Variants in RPL39L observed in about 807,000 individuals in gnomAD.
The protein encoded by RPL39L is ribosomal protein eL39-like 2.
For synonymous variants in RPL39L, 16 were observed against 20.1 expected (o/e 0.80, Z 0.55); for missense variants, 48 against 58.9 (o/e 0.81, Z 0.61).
chr3:187,124,258 CTAA>C (rs1282576678), intron 2 of RPL39L, among the ~76,000 whole-genome samples: 1 of 152,008 alleles, frequency 6.6e-6, no homozygotes, highest in Non-Finnish European at 1.5e-5. Flanking sequence ...AATATAGATC[CTAA>C]GTACTGGAGA....
intron 1 of RPL39L, among the ~76,000 whole-genome samples, chr3:187,134,253 A>C (rs1313931007): frequency 6.6e-6 from 1 of 152,146 alleles, no homozygotes; most frequent in Non-Finnish European, 1.5e-5. Context: ...ACAGAGATAA[A>C]GTAGTCTAAA....
chr3:187,134,038 T>C (rs1488546017), intron 1 of RPL39L, among the ~76,000 whole-genome samples: 1 of 152,066 alleles, frequency 6.6e-6, no homozygotes, highest in African/African-American at 2.4e-5. Flanking sequence ...GGGAAAGTAA[T>C]CAACAGAACC....
intron 1 of RPL39L, among the ~76,000 whole-genome samples, chr3:187,133,550 C>T (rs1251759755): frequency 6.6e-6 from 1 of 152,036 alleles, no homozygotes; most frequent in African/African-American, 2.4e-5. Context: ...GGGAAGTAAG[C>T]TCTTACTGTG....
rs201902572 is a variant in RPL39L at position 187,126,164 on chromosome 3, CT to C, written c.-29+1834del. Among the ~76,000 whole-genome samples the C allele has an allele frequency of 7.9e-3, 1,108 of 140,442 alleles. 13 individuals carry two copies. The highest frequency in any genetic ancestry group is 0.054 in the East Asian group (265 of 4,926). 92.1% of individuals were successfully genotyped at this position (140,442 alleles called of 152,430 possible). ...CAAAAATATAAACATCTATTGGTTT[CT>C]TTTTTTTTTTTTTGAGATGGAGTTT... On this transcript the variant is annotated intron_variant, in intron 2 of 2. Coordinates refer to ENST00000296277, the MANE Select transcript of RPL39L (RefSeq NM_052969.3).
intron 1 of RPL39L, among the ~76,000 whole-genome samples, chr3:187,138,815 T>C (rs781723045): frequency 2.6e-5 from 4 of 152,090 alleles, no homozygotes; most frequent in African/African-American, 4.8e-5. Context: ...ATCCCAGCAC[T>C]TTGGGAGGCC....
At chr3:187,131,800 A>C (rs1242795162) in intron 1 of RPL39L, among the ~76,000 whole-genome samples, 2 of 152,220 alleles carry the variant, frequency 1.3e-5, no homozygotes, top group Non-Finnish European at 2.9e-5. Flanking sequence ...AACACAATAC[A>C]GGTCTTAGCT....
chr3:187,134,119 A>G (rs1223487297), intron 1 of RPL39L, among the ~76,000 whole-genome samples: 1 of 152,200 alleles, frequency 6.6e-6, no homozygotes, highest in East Asian at 1.9e-4. Flanking sequence ...TAATATATTA[A>G]TCATATATAT....
intron 1 of RPL39L, among the ~76,000 whole-genome samples, chr3:187,137,800 C>T (rs1055083528): frequency 3.5e-5 from 5 of 144,028 alleles, no homozygotes; most frequent in Non-Finnish European, 6.0e-5. Flanking sequence ...TGCACTCCAG[C>T]GACAGAAGGA....
At chr3:187,133,699 G>C (rs531884494) in intron 1 of RPL39L, among the ~76,000 whole-genome samples, 162 of 152,234 alleles carry the variant, frequency 1.1e-3, no homozygotes, top group Middle Eastern at 3.4e-3. Context: ...CATGGAGAGA[G>C]ACTCCTGTGT....
intron 2 of RPL39L, among the ~76,000 whole-genome samples, chr3:187,123,213 G>A (rs73888357): frequency 0.074 from 11,313 of 152,238 alleles, 879 homozygotes; most frequent in African/African-American, 0.19. Flanking sequence ...GACTTTATGT[G>A]CAAGTAACAG....
chr3:187,129,576 C>T (rs969992683), intron 1 of RPL39L, among the ~76,000 whole-genome samples: 9 of 152,170 alleles, frequency 5.9e-5, no homozygotes, highest in African/African-American at 2.2e-4. Flanking sequence ...GTAGAAAATT[C>T]TAAATTATCC....
chr3:187,124,310 A>G (rs1252864512), intron 2 of RPL39L, among the ~76,000 whole-genome samples: 1 of 152,216 alleles, frequency 6.6e-6, no homozygotes, highest in Non-Finnish European at 1.5e-5. Context: ...ATGGGAAATC[A>G]TGGTACCAAG....
rs889981457 is a variant in RPL39L at position 187,130,319 on chromosome 3, C to CA, written c.-92-2258dup. ...TATTAAATCACAATTACTTTTGCAC[C>CA]AATCTAATAGTTTGGATATTTGTCC... On this transcript the variant is annotated intron_variant, in intron 1 of 2. Transcript: ENST00000296277. 2.8e-4 allele frequency among the ~76,000 whole-genome samples: 43 copies of CA among 152,262 alleles called. 1 individual carries two copies. Among genetic ancestry groups the CA allele is most frequent in the African/African-American group, 9.9e-4 (41 of 41,544 alleles).
chr3:187,135,513 T>C (rs1720560068), intron 1 of RPL39L, among the ~76,000 whole-genome samples: 1 of 152,328 alleles, frequency 6.6e-6, no homozygotes, highest in East Asian at 1.9e-4. Context: ...TTGCTCCTCC[T>C]TGCTTTCTGC....
Position 187,129,209 on chromosome 3 carries a change from A to G in RPL39L, c.-92-1147T>C, listed in dbSNP as rs535078506. ...TTTCAAGATAATATAGCTCAGGATA[A>G]AAGAGGTTTGATAAGCTCGCTTCCT... On this transcript the variant is annotated intron_variant, in intron 1 of 2. Transcript: ENST00000296277. 2.3e-4 allele frequency among the ~76,000 whole-genome samples: 35 copies of G among 152,316 alleles called. No homozygotes were observed. In the South Asian group the frequency reaches 5.0e-3, roughly 22 times the overall value.
chr3:187,136,020 A>G (rs2108470984), intron 1 of RPL39L, among the ~76,000 whole-genome samples: 1 of 152,380 alleles, frequency 6.6e-6, no homozygotes, highest in South Asian at 2.1e-4. Context: ...TTAGGACTGC[A>G]TCCAGTACAC....
At chr3:187,122,406 G>C (rs757819028) in intron 2 of RPL39L, among the ~76,000 whole-genome samples, 2 of 151,498 alleles carry the variant, frequency 1.3e-5, no homozygotes, top group Non-Finnish European at 2.9e-5. Flanking sequence ...TTAACTCTAA[G>C]ATAATGGGGA....
At chr3:187,134,558 A>C (rs1720543557) in intron 1 of RPL39L, among the ~76,000 whole-genome samples, 1 of 151,856 alleles carries the variant, frequency 6.6e-6, no homozygotes, top group Non-Finnish European at 1.5e-5. Flanking sequence ...TACAGGTCTC[A>C]GGACATTAAA....
chr3:187,131,621 TGTTA>T (rs1007820769), intron 1 of RPL39L, among the ~76,000 whole-genome samples: 200 of 152,332 alleles, frequency 1.3e-3, no homozygotes, highest in African/African-American at 4.6e-3. Flanking sequence ...CACCACTAGC[TGTTA>T]GTGTGACCTT....
Sources: gnomAD v4.1 joint callset for allele counts (sites outside exome capture counted in the v4.1 genomes callset) on GRCh38, gnomAD v4.1.1 for gene constraint, MANE v1.5 for transcripts, NCBI Gene and HGNC (gene_info 2026-07-23, HGNC 2026-07-21) for gene names.